C10orf90: variants seen among roughly 807,000 people sequenced by gnomAD.
C10orf90 encodes the protein (E2-independent) E3 ubiquitin-conjugating enzyme FATS.
In C10orf90, 56 loss-of-function variants were observed where a neutral mutation model predicts 62.5. The observed-to-expected ratio is 0.90, with a 90% CI of 0.72 to 1.12. The LOEUF is 1.12. Among genes scored for constraint, C10orf90 ranks in the 50% most tolerant of loss-of-function variants. The probability of loss-of-function intolerance (pLI) is 0.00; values close to 1 mark genes in which losing one functional copy is unlikely to be tolerated. For synonymous variants in C10orf90, 386 were observed against 340.4 expected (o/e 1.13, Z -1.47); for missense variants, 970 against 880.4 (o/e 1.10, Z -1.29).
chr10:126,503,922 C>T, intron 4 of C10orf90, 35 bp downstream of exon 4: 1 of 1,567,546 alleles, frequency 6.4e-7, no homozygotes, highest in South Asian at 1.2e-5. Context: ...GACATTTACT[C>T]AGGTCACCCT....
intron 6 of C10orf90, 84 bp from the exon 7 acceptor site, chr10:126,459,301 G>T (rs531225566): frequency 1.3e-6 from 2 of 1,512,690 alleles, no homozygotes; most frequent in Non-Finnish European, 1.8e-6. Flanking sequence ...CCAAGAAGCC[G>T]ATGGCAAGCA....
chr10:126,656,559 C>A (rs143235832), intron 1 of C10orf90, among the ~76,000 whole-genome samples: 1 of 152,210 alleles, frequency 6.6e-6, no homozygotes. Context: ...AATTAAGATG[C>A]TAGAAGTTGT....
intron 4 of C10orf90, among the ~76,000 whole-genome samples, chr10:126,478,676 G>C (rs1861021533): frequency 6.6e-6 from 1 of 152,138 alleles, no homozygotes; most frequent in African/African-American, 2.4e-5. Context: ...CGAGTTAGGG[G>C]TGTGACCATC....
At chr10:126,490,477 C>G (rs1432848345) in intron 4 of C10orf90, among the ~76,000 whole-genome samples, 2 of 151,280 alleles carry the variant, frequency 1.3e-5, no homozygotes, top group Non-Finnish European at 3.0e-5. Flanking sequence ...GTGGTGGCTT[C>G]CAGGGAATGG....
chr10:126,574,930 T>A (rs537670839), intron 2 of C10orf90, among the ~76,000 whole-genome samples: 1 of 152,248 alleles, frequency 6.6e-6, no homozygotes, highest in South Asian at 2.1e-4. Context: ...TATTGAAAGC[T>A]TTCCCTCTGA....
At chr10:126,541,094 G>A (rs920964719) in intron 2 of C10orf90, among the ~76,000 whole-genome samples, 19 of 151,604 alleles carry the variant, frequency 1.3e-4, no homozygotes, top group African/African-American at 4.6e-4. Context: ...ATGAAGAGCT[G>A]GACTATAACA....
chr10:126,516,288 T>A (rs531746728), intron 2 of C10orf90, among the ~76,000 whole-genome samples: 1 of 152,258 alleles, frequency 6.6e-6, no homozygotes, highest in African/African-American at 2.4e-5. Flanking sequence ...GGTGTGGAGT[T>A]AATGTTTGAT....
chr10:126,535,075 G>A (rs2133960168), intron 2 of C10orf90, among the ~76,000 whole-genome samples: 1 of 152,218 alleles, frequency 6.6e-6, no homozygotes, highest in Admixed American at 6.5e-5. Context: ...GAGATTGTGA[G>A]AGAAGTATTC....
At chr10:126,555,815 T>C (rs1864757657) in intron 2 of C10orf90, among the ~76,000 whole-genome samples, 1 of 152,192 alleles carries the variant, frequency 6.6e-6, no homozygotes, top group Admixed American at 6.5e-5. Flanking sequence ...TGACAGAAGT[T>C]GGCAGATGGA....
intron 2 of C10orf90, among the ~76,000 whole-genome samples, chr10:126,571,338 T>TTGTC (rs1844501664): frequency 6.6e-6 from 1 of 152,196 alleles, no homozygotes; most frequent in Admixed American, 6.5e-5. Context: ...GGGCAACGAT[T>TTGTC]TGTCTCAGGA....
At chr10:126,648,926 A>C (rs1846223506) in intron 1 of C10orf90, among the ~76,000 whole-genome samples, 1 of 152,168 alleles carries the variant, frequency 6.6e-6, no homozygotes, top group East Asian at 1.9e-4. Flanking sequence ...AAAGCTCCTG[A>C]TGCACCACGT....
At chr10:126,514,021 T>C in intron 2 of C10orf90, 82 bp from the exon 3 acceptor site, 1 of 959,516 alleles carries the variant, frequency 1.0e-6, no homozygotes, top group Non-Finnish European at 1.6e-6. Context: ...TAAAATTTAA[T>C]GTCACCTACT....
chr10:126,495,972 C>G (rs1486132450), intron 4 of C10orf90, among the ~76,000 whole-genome samples: 1 of 152,170 alleles, frequency 6.6e-6, no homozygotes, highest in Admixed American at 6.5e-5. Flanking sequence ...AAAGGACAAG[C>G]AAGCAACTGG....
rs542469071 is a variant in C10orf90 at position 126,453,420 on chromosome 10, G to A, written c.2188+5620C>T. ...ACCAAGATGCAAAGAGTGTTCAAAT[G>A]GGAGTGAGAGGAGAGGAGAGGGAGT... On this transcript the variant is annotated intron_variant, in intron 7 of 9. Transcript: ENST00000488181. This position sits in a 1 kb window ranked among gnomAD's most constrained non-coding sequence, Gnocchi z 4.9. Among the ~76,000 whole-genome samples, 1 of 152,272 alleles carries A rather than the reference G, an allele frequency of 6.6e-6. No individual in the cohort carries two copies. The highest frequency in any genetic ancestry group is 2.4e-5 in the African/African-American group (1 of 41,556).
At chr10:126,591,158 T>C (rs1844971680) in intron 2 of C10orf90, among the ~76,000 whole-genome samples, 1 of 152,076 alleles carries the variant, frequency 6.6e-6, no homozygotes, top group African/African-American at 2.4e-5. Flanking sequence ...ACTATTCCAA[T>C]CAATTAAAAA....
intron 4 of C10orf90, among the ~76,000 whole-genome samples, chr10:126,482,848 A>G (rs1214178187): frequency 6.6e-6 from 1 of 152,210 alleles, no homozygotes; most frequent in Admixed American, 6.5e-5. Context: ...TCCTTGCAGG[A>G]AAAAAGAATC....
At chr10:126,509,890 T>C (rs1161129803) in intron 3 of C10orf90, among the ~76,000 whole-genome samples, 1 of 152,180 alleles carries the variant, frequency 6.6e-6, no homozygotes, top group African/African-American at 2.4e-5. Context: ...ACCAAAGTAC[T>C]ACACACTGTG....
intron 2 of C10orf90, among the ~76,000 whole-genome samples, chr10:126,548,185 C>T (rs935271332): frequency 3.9e-5 from 6 of 152,028 alleles, no homozygotes; most frequent in Admixed American, 3.3e-4. Flanking sequence ...TAGATATAGA[C>T]AAGATGCTTT....
At chr10:126,669,596 GA>G (rs1846704631) in intron 1 of C10orf90, among the ~76,000 whole-genome samples, 1 of 152,164 alleles carries the variant, frequency 6.6e-6, no homozygotes, top group Non-Finnish European at 1.5e-5. Flanking sequence ...TTTCTGAAAA[GA>G]TAACTGCTTG....
Sources: allele counts gnomAD v4.1 joint callset (sites outside exome capture counted in the v4.1 genomes callset), GRCh38; gene constraint gnomAD v4.1.1; non-coding constraint Gnocchi (gnomAD v3.1); transcripts MANE v1.5; gene names NCBI Gene and HGNC (gene_info 2026-07-23, HGNC 2026-07-21).